The following USP40 variants were observed in gnomAD, a reference collection of about 807,000 sequenced individuals.
USP40 encodes ubiquitin carboxyl-terminal hydrolase 40.
In USP40, 143 loss-of-function variants were observed where a neutral mutation model predicts 166.2. That is an observed-to-expected ratio of 0.86 (90% CI 0.75 to 0.99). The LOEUF (loss-of-function observed/expected upper bound fraction) is 0.99. Ranked by LOEUF, USP40 falls within the 50% of genes least tolerant of loss-of-function variation. The pLI, the probability that USP40 is intolerant of heterozygous loss-of-function variation, is 0.00. For synonymous variants in USP40, 498 were observed against 524.0 expected, an observed-to-expected ratio of 0.95 and a Z score of 0.68; for missense variants, 1,444 against 1,479.7, an observed-to-expected ratio of 0.98 and a Z score of 0.40.
Position 233,485,783 on chromosome 2 carries a change from A to G in USP40, c.3392T>C (p.Leu1131Pro). 6.2e-7 allele frequency: 1 copy of G among 1,612,992 alleles called. No individual in the cohort carries two copies. Among genetic ancestry groups the G allele is most frequent in the Non-Finnish European group, 8.5e-7 (1 of 1,179,574 alleles). Residue 1131 changes from leucine (L) to proline (P), a missense_variant, in exon 29 of 32, where the codon CTT becomes CCT. Physicochemically the swap from Leu to Pro is moderately conservative, Grantham distance 98. Transcript: ENST00000678225. ...AKYFPEKFEW[L>P]PISSWNQQIT... is the part of the protein sequence containing the mutation. Reference sequence around the variant, plus strand: ...CAACTTTACCCAGCTAGATATCGGAAGCCACTCGAACTTTTCGGGAAAGTA... The same window carrying G: ...CAACTTTACCCAGCTAGATATCGGAGGCCACTCGAACTTTTCGGGAAAGTA...
rs569861752 is a variant in USP40, at chr2:233,512,558, A to G, written c.2437+11T>C. On this transcript the variant is annotated intron_variant, in intron 19 of 31. Coordinates refer to ENST00000678225, the MANE Select transcript of USP40 (RefSeq NM_001365479.2). ...ATAAGCCACCTTTTGAAAGTTATCA[A>G]AAAGATTTACCTGGACAAAGAAGCT... 3.2e-6 allele frequency: 5 copies of G among 1,572,832 alleles called. No homozygotes were observed. The Admixed American group carries it at 5.5e-5, about 17-fold the overall frequency.
intron 10 of USP40, among the ~76,000 whole-genome samples, chr2:233,539,362 C>T (rs1207971172): frequency 2.0e-5 from 3 of 151,962 alleles, no homozygotes; most frequent in Non-Finnish European, 4.4e-5. Context: ...CACTCTGAAC[C>T]GTAAAACAAG....
In USP40 at chr2:233,559,908, A is replaced by G; in HGVS notation, c.284T>C (p.Leu95Ser). ...CTGAGCAAACAAGCGCTGTAACTGT[A>G]AAGGGATGATTCGAACCTGAATGAG... Reference protein sequence around the residue: ...KPDAKVRIIPLQLQRLFAQLL... With the variant: ...KPDAKVRIIPSQLQRLFAQLL... Residue 95 changes from leucine to serine, a missense_variant, in exon 4 of 32, where the codon TTA (leucine) becomes TCA (serine). Physicochemically the swap from Leu to Ser is moderately radical, Grantham distance 145 (BLOSUM62 -2). Coordinates refer to ENST00000678225, the MANE Select transcript of USP40 (RefSeq NM_001365479.2). The G allele has an allele frequency of 6.2e-7, 1 of 1,606,722 alleles. No homozygotes were observed. The highest frequency in any genetic ancestry group is 1.7e-5 in the Admixed American group (1 of 58,962).
At chr2:233,548,064 C>T (rs2070156207) in intron 8 of USP40, among the ~76,000 whole-genome samples, 1 of 152,028 alleles carries the variant, frequency 6.6e-6, no homozygotes, top group South Asian at 2.1e-4. Flanking sequence ...AAAACAGACT[C>T]ACACAAAAAT....
chr2:233,557,633 TG>T (rs937847739), intron 4 of USP40, among the ~76,000 whole-genome samples: 4 of 151,072 alleles, frequency 2.6e-5, no homozygotes, highest in African/African-American at 7.3e-5. Flanking sequence ...GAAGAGCAGC[TG>T]GGGGGAGGGC....
chr2:233,563,314 C>A (rs533536992), intron 2 of USP40, among the ~76,000 whole-genome samples: 2 of 152,088 alleles, frequency 1.3e-5, no homozygotes, highest in African/African-American at 2.4e-5. Flanking sequence ...CAACCCCATG[C>A]GAGTCTCCAG....
At position 233,480,222 on chromosome 2, in the gene USP40, CAGA is replaced by C. The variant is rs2064480638; in HGVS notation, c.3599+978_3599+980del. On this transcript the variant is annotated intron_variant, in intron 31 of 31. Coordinates refer to ENST00000678225, the MANE Select transcript of USP40 (RefSeq NM_001365479.2). The surrounding 1 kb of genome is among the most constrained non-coding windows in gnomAD (Gnocchi z 4.5). ...CACGGGCAGCCAAGATACTGAGGGG[CAGA>C]AGAAGGGGATTAGGGTGAGCGGGGC... is the stretch of plus-strand genomic sequence containing the variant. Among the ~76,000 whole-genome samples the C allele has an allele frequency of 6.6e-6, 1 of 152,172 alleles. No homozygotes were observed. Among genetic ancestry groups the C allele is most frequent in the South Asian group, 2.1e-4 (1 of 4,832 alleles).
At chr2:233,533,909 A>AC in intron 10 of USP40, 130 bp from the exon 11 acceptor site, 1 of 959,560 alleles carries the variant, frequency 1.0e-6, no homozygotes, top group Non-Finnish European at 1.5e-6. Context: ...CTGGCCAGCT[A>AC]CGGGGGAAAA....
rs559822166 is a variant in USP40 at position 233,480,060 on chromosome 2, C to A, written c.3599+1143G>T. Among the ~76,000 whole-genome samples, 12 of 152,354 alleles carry A rather than the reference C, an allele frequency of 7.9e-5. No homozygotes were observed. The East Asian group carries it at 2.3e-3, about 29-fold the overall frequency. The stretch of plus-strand genomic sequence containing the variant: ...ATGTCAACGCGTCCCCCTTCACACC[C>A]TCCAGCAGCCTCTAACCACGCTCGA... On this transcript the variant is annotated intron_variant, in intron 31 of 31. Transcript: ENST00000678225. This position sits in a 1 kb window ranked among gnomAD's most constrained non-coding sequence, Gnocchi z 4.5.
chr2:233,494,950 A>ATT (rs1559224277), intron 24 of USP40, among the ~76,000 whole-genome samples: 4 of 30,100 alleles, frequency 1.3e-4, no homozygotes, highest in Non-Finnish European at 2.4e-4. Context: ...ATATATATAT[A>ATT]TATATTTATA....
chr2:233,488,311 A>G lies in USP40; in HGVS notation c.3132-7T>C, dbSNP rs139734370. The G allele has an allele frequency of 9.1e-5, 144 of 1,589,528 alleles. No homozygotes were observed. In the East Asian group the frequency reaches 2.1e-3, roughly 23 times the overall value. ...CCGTCCTAGTTTATATTCCCTGATA[A>G]TAAGTGAAACAAGATAATATTGAGT... On this transcript the variant is annotated splice_polypyrimidine_tract_variant and splice_region_variant and intron_variant, in intron 27 of 31. Transcript: ENST00000678225.
intron 11 of USP40, among the ~76,000 whole-genome samples, chr2:233,532,597 TC>T (rs2068627817): frequency 6.6e-6 from 1 of 152,212 alleles, no homozygotes; most frequent in Non-Finnish European, 1.5e-5. Context: ...TTTTGTTGCT[TC>T]ATTCTTTGCT....
chr2:233,518,890 T>C (rs1160526791), intron 18 of USP40, among the ~76,000 whole-genome samples: 1 of 152,124 alleles, frequency 6.6e-6, no homozygotes, highest in East Asian at 1.9e-4. Flanking sequence ...ATAAACAAAA[T>C]GTGATACTAT....
Position 233,556,910 on chromosome 2 carries a change from C to G in USP40, c.491G>C (p.Gly164Ala), listed in dbSNP as rs368320704. 45 of 1,613,836 alleles carry G rather than the reference C, an allele frequency of 2.8e-5. No homozygotes were observed. The highest frequency in any genetic ancestry group is 1.7e-4 in the Middle Eastern group (1 of 6,058). Residue 164 changes from glycine to alanine, a missense_variant, in exon 5 of 32, where the codon GGA becomes GCA. Gly to Ala is a moderately conservative substitution (Grantham distance 60). Transcript: ENST00000678225. ...GHDLIYRLYH[G>A]TIVNQIVCKE... ...ACAAACAATCTGGTTAACAATGGTT[C>G]CATGGTACAGACGATAGATGAGGTC...
chr2:233,537,153 G>A lies in USP40; in HGVS notation c.1171-3374C>T, dbSNP rs77019595. Among the ~76,000 whole-genome samples the A allele has an allele frequency of 6.3e-3, 964 of 152,288 alleles. 22 individuals carry two copies. The East Asian group carries it at 0.084, about 13-fold the overall frequency. ...CTTGCCTAGACCTCCCTTTTGCTGG[G>A]ATTACAGGTGTGAGCCACCACGTCC... On this transcript the variant is annotated intron_variant, in intron 10 of 31. Coordinates refer to ENST00000678225, the MANE Select transcript of USP40 (RefSeq NM_001365479.2).
rs529496880 is a variant in USP40 at position 233,505,082 on chromosome 2, C to T, written c.2613+4967G>A. ...CTTACAAATACATGGAAATTAAACA[C>T]GCTTCCAAAGAACCAATAAGTCAAT... On this transcript the variant is annotated intron_variant, in intron 21 of 31. Coordinates refer to ENST00000678225, the MANE Select transcript of USP40 (RefSeq NM_001365479.2). Among the ~76,000 whole-genome samples, 6 of 152,084 alleles carry T rather than the reference C, an allele frequency of 3.9e-5. No individual in the cohort carries two copies. The South Asian group carries it at 1.0e-3, about 26-fold the overall frequency.
chr2:233,477,861 T>C (rs1210139031), intron 31 of USP40, among the ~76,000 whole-genome samples: 1 of 152,216 alleles, frequency 6.6e-6, no homozygotes, highest in Non-Finnish European at 1.5e-5. Context: ...CTCGTCACAA[T>C]CACGCACACC....
intron 18 of USP40, among the ~76,000 whole-genome samples, chr2:233,513,690 T>C (rs745686227): frequency 6.6e-6 from 1 of 152,228 alleles, no homozygotes; most frequent in African/African-American, 2.4e-5. Context: ...ATTTAAAATA[T>C]GTTGGGTGAT....
chr2:233,514,183 T>G (rs1467510712), intron 18 of USP40, among the ~76,000 whole-genome samples: 1 of 152,170 alleles, frequency 6.6e-6, no homozygotes, highest in Non-Finnish European at 1.5e-5. Flanking sequence ...AGCAAAGCAG[T>G]GTAAACTCAG....
Sources: allele counts gnomAD v4.1 joint callset (sites outside exome capture counted in the v4.1 genomes callset), GRCh38; gene constraint gnomAD v4.1.1; non-coding constraint Gnocchi (gnomAD v3.1); transcripts MANE v1.5; gene names NCBI Gene and HGNC (gene_info 2026-07-23, HGNC 2026-07-21).